Variants in CACNA2D3 observed in about 807,000 individuals in gnomAD.
The protein encoded by CACNA2D3 is voltage-dependent calcium channel subunit alpha-2/delta-3.
A neutral mutation model predicts 160.6 loss-of-function variants in CACNA2D3; 60 were observed. That is an observed-to-expected ratio of 0.37 (90% CI 0.30 to 0.46). The LOEUF is 0.46. CACNA2D3 is among the 20% of genes least tolerant of loss of function. The pLI, the probability that CACNA2D3 is intolerant of heterozygous loss-of-function variation, is 1.00. For synonymous variants in CACNA2D3, 558 were observed against 492.9 expected, an observed-to-expected ratio of 1.13 and a Z score of -1.75; for missense variants, 1,205 against 1,365.0, an observed-to-expected ratio of 0.88 and a Z score of 1.85.
intron 2 of CACNA2D3, among the ~76,000 whole-genome samples, chr3:54,195,808 C>T (rs1701068882): frequency 6.6e-6 from 1 of 152,140 alleles, no homozygotes; most frequent in Non-Finnish European, 1.5e-5. Context: ...GTACAGCAGC[C>T]CTGCTTGTGG....
At chr3:54,460,732 T>C (rs1016618045) in intron 4 of CACNA2D3, among the ~76,000 whole-genome samples, 7 of 152,184 alleles carry the variant, frequency 4.6e-5, no homozygotes, top group African/African-American at 1.7e-4. Context: ...CAGGGACAAT[T>C]TGACTTCCTG....
At chr3:54,566,471 A>G (rs544506688) in intron 6 of CACNA2D3, among the ~76,000 whole-genome samples, 40 of 152,264 alleles carry the variant, frequency 2.6e-4, no homozygotes, top group African/African-American at 9.1e-4. Flanking sequence ...CTACCTGGTT[A>G]TTGGCTGAGG....
chr3:54,983,299 T>C (rs1292451583), intron 29 of CACNA2D3, among the ~76,000 whole-genome samples: 2 of 152,208 alleles, frequency 1.3e-5, no homozygotes, highest in African/African-American at 4.8e-5. Flanking sequence ...AATTTTTAGT[T>C]GCATTAATTT....
chr3:54,925,157 C>T lies in CACNA2D3; in HGVS notation c.2449+25289C>T, dbSNP rs143700577. ...TAGATGACTGACAGTAACACTTGTC[C>T]GGGCAGCTGCATACCACCTGGAGCA... On this transcript the variant is annotated intron_variant, in intron 27 of 37. Coordinates refer to ENST00000474759, the MANE Select transcript of CACNA2D3 (RefSeq NM_018398.3). 420 of 1,613,890 alleles carry T rather than the reference C, an allele frequency of 2.6e-4. 1 individual carries two copies. Among genetic ancestry groups the T allele is most frequent in the Non-Finnish European group, 3.1e-4 (360 of 1,179,998 alleles).
intron 2 of CACNA2D3, among the ~76,000 whole-genome samples, chr3:54,308,278 A>C (rs1394977629): frequency 6.6e-6 from 1 of 152,140 alleles, no homozygotes; most frequent in Non-Finnish European, 1.5e-5. Context: ...GAGCCTGGGG[A>C]TAGTCCTCAG....
At chr3:54,679,305 T>C (rs1446767313) in intron 11 of CACNA2D3, among the ~76,000 whole-genome samples, 1 of 152,178 alleles carries the variant, frequency 6.6e-6, no homozygotes, top group Non-Finnish European at 1.5e-5. Flanking sequence ...TTCTTGGGTA[T>C]TATATATTCA....
chr3:54,727,707 T>C (rs1478595766), intron 11 of CACNA2D3, among the ~76,000 whole-genome samples: 1 of 152,038 alleles, frequency 6.6e-6, no homozygotes, highest in East Asian at 1.9e-4. Flanking sequence ...AGTTCAACAA[T>C]GAAAACACAT....
chr3:55,009,528 T>C, intron 34 of CACNA2D3, 85 bp downstream of exon 34: 2 of 1,250,132 alleles, frequency 1.6e-6, no homozygotes, highest in Non-Finnish European at 2.3e-6. Context: ...ATGTGCTGGC[T>C]CACAGAAAAT....
intron 2 of CACNA2D3, among the ~76,000 whole-genome samples, chr3:54,316,857 G>A (rs2107504525): frequency 6.6e-6 from 1 of 152,238 alleles, no homozygotes; most frequent in Non-Finnish European, 1.5e-5. Context: ...AACACATACA[G>A]GTAACAGATA....
At chr3:54,581,559 A>C (rs923473311) in intron 8 of CACNA2D3, among the ~76,000 whole-genome samples, 1 of 152,188 alleles carries the variant, frequency 6.6e-6, no homozygotes, top group Non-Finnish European at 1.5e-5. Context: ...TGCACCCTGA[A>C]CCCTGCCAGC....
rs77747315 is a variant in CACNA2D3 at position 54,863,713 on chromosome 3, G to GT, written c.1627-7817dup. 2.4e-3 allele frequency among the ~76,000 whole-genome samples: 359 copies of GT among 150,408 alleles called. 1 individual carries two copies. Among genetic ancestry groups the GT allele is most frequent in the South Asian group, 9.1e-3 (43 of 4,744 alleles). ...TTTTCAAAGCAGCCTGTTAATTGTT[G>GT]TTTTTTTTTAAAAAAAAAATACCAA... On this transcript the variant is annotated intron_variant, in intron 17 of 37. Transcript: ENST00000474759.
chr3:54,567,934 G>A (rs1183638384), intron 6 of CACNA2D3, among the ~76,000 whole-genome samples: 1 of 152,216 alleles, frequency 6.6e-6, no homozygotes, highest in East Asian at 1.9e-4. Context: ...TCCTGAAGTG[G>A]AGAGAAAAGG....
At chr3:54,280,072 A>ATTTG (rs1406662295) in intron 2 of CACNA2D3, among the ~76,000 whole-genome samples, 2 of 108,502 alleles carry the variant, frequency 1.8e-5, no homozygotes, top group African/African-American at 4.0e-5. Flanking sequence ...TTGTTTGTTT[A>ATTTG]TTTATTTATT....
In CACNA2D3 at chr3:54,728,873, G is replaced by C. The variant is rs1052436437; in HGVS notation, c.1168-23726G>C. 2.6e-5 allele frequency among the ~76,000 whole-genome samples: 4 copies of C among 152,248 alleles called. No homozygotes were observed. The East Asian group carries it at 7.7e-4, about 29-fold the overall frequency. On this transcript the variant is annotated intron_variant, in intron 11 of 37. Transcript: ENST00000474759. ...ATTTCCCACCATTTTATGATGGTCA[G>C]GTTCTCTGCTTAACATTTCAGTCTT...
chr3:54,697,951 T>C (rs150383487), intron 11 of CACNA2D3, among the ~76,000 whole-genome samples: 2 of 152,338 alleles, frequency 1.3e-5, no homozygotes, highest in Non-Finnish European at 2.9e-5. Context: ...CATTCATTCT[T>C]GTTTTTAAAA....
intron 17 of CACNA2D3, among the ~76,000 whole-genome samples, chr3:54,870,324 C>T (rs896826511): frequency 1.3e-5 from 2 of 152,170 alleles, no homozygotes; most frequent in Admixed American, 1.3e-4. Context: ...AAAATGGCAA[C>T]CTATGGTTTT....
chr3:54,254,391 T>A (rs1266906380), intron 2 of CACNA2D3, among the ~76,000 whole-genome samples: 1 of 152,224 alleles, frequency 6.6e-6, no homozygotes, highest in African/African-American at 2.4e-5. Context: ...GTCAATTAGC[T>A]TCTGATAAAT....
At chr3:54,214,319 C>T (rs1052212290) in intron 2 of CACNA2D3, among the ~76,000 whole-genome samples, 1 of 152,134 alleles carries the variant, frequency 6.6e-6, no homozygotes, top group Non-Finnish European at 1.5e-5. Flanking sequence ...ACAAGTACTT[C>T]CACATGCCAT....
intron 4 of CACNA2D3, among the ~76,000 whole-genome samples, chr3:54,421,601 C>A (rs558407693): frequency 6.6e-6 from 1 of 152,176 alleles, no homozygotes; most frequent in South Asian, 2.1e-4. Context: ...TTGAAAAGTT[C>A]ACCTGGACTC....
Sources: gnomAD v4.1 joint callset for allele counts (sites outside exome capture counted in the v4.1 genomes callset) on GRCh38, gnomAD v4.1.1 for gene constraint, MANE v1.5 for transcripts, NCBI Gene and HGNC (gene_info 2026-07-23, HGNC 2026-07-21) for gene names.